The following OXCT1 variants were observed in gnomAD, a reference collection of about 807,000 sequenced individuals.
OXCT1 encodes succinyl-CoA:3-ketoacid coenzyme A transferase 1, mitochondrial.
A neutral mutation model predicts 69.6 loss-of-function variants in OXCT1; 27 were observed. The ratio of observed to expected loss-of-function variants is 0.39; its 90% CI spans 0.29 to 0.54. OXCT1 has a LOEUF of 0.54. Ranked by LOEUF, OXCT1 falls within the 20% of genes least tolerant of loss-of-function variation. OXCT1 has a pLI of 0.72. For synonymous variants in OXCT1, 202 were observed against 217.8 expected, an observed-to-expected ratio of 0.93 and a Z score of 0.64; for missense variants, 437 against 650.2, an observed-to-expected ratio of 0.67 and a Z score of 3.57.
intron 13 of OXCT1, among the ~76,000 whole-genome samples, chr5:41,792,283 C>T (rs749037635): frequency 2.0e-5 from 3 of 152,140 alleles, no homozygotes; most frequent in Non-Finnish European, 4.4e-5. Flanking sequence ...GTTACACTGC[C>T]AGCAAGCGTC....
At chr5:41,748,439 A>G (rs529755260) in intron 15 of OXCT1, among the ~76,000 whole-genome samples, 1 of 152,148 alleles carries the variant, frequency 6.6e-6, no homozygotes, top group Admixed American at 6.6e-5. Flanking sequence ...AGGGTAAAAG[A>G]TTGCTTTGCT....
At chr5:41,782,404 G>A (rs935727578) in intron 13 of OXCT1, among the ~76,000 whole-genome samples, 1 of 151,896 alleles carries the variant, frequency 6.6e-6, no homozygotes, top group African/African-American at 2.4e-5. Context: ...TGTAAAGATC[G>A]GGTTTCACTG....
intron 7 of OXCT1, among the ~76,000 whole-genome samples, chr5:41,822,914 G>A (rs1433581284): frequency 2.6e-5 from 4 of 152,002 alleles, no homozygotes; most frequent in South Asian, 2.1e-4. Flanking sequence ...TTAATTGTTC[G>A]GACCAGTAAT....
intron 1 of OXCT1, among the ~76,000 whole-genome samples, chr5:41,868,946 G>C (rs1750139847): frequency 6.6e-6 from 1 of 152,184 alleles, no homozygotes; most frequent in Non-Finnish European, 1.5e-5. Context: ...GAAAAGACTT[G>C]AAGTGAGTAA....
intron 7 of OXCT1, among the ~76,000 whole-genome samples, chr5:41,823,330 A>G (rs1204217760): frequency 6.6e-6 from 1 of 152,190 alleles, no homozygotes; most frequent in African/African-American, 2.4e-5. Context: ...GGTCTTCACC[A>G]AAACTCTGGT....
intron 15 of OXCT1, among the ~76,000 whole-genome samples, chr5:41,742,704 T>C (rs1743236677): frequency 6.7e-6 from 1 of 148,630 alleles, no homozygotes; most frequent in South Asian, 2.3e-4. Context: ...CATTGTTCAA[T>C]TCTCACCTAT....
chr5:41,771,848 G>T (rs1744885817), intron 13 of OXCT1, among the ~76,000 whole-genome samples: 1 of 152,198 alleles, frequency 6.6e-6, no homozygotes, highest in Non-Finnish European at 1.5e-5. Context: ...ATCGCTGAGA[G>T]AAATGCATTA....
chr5:41,750,135 G>GTTTTTTTTT lies in OXCT1; in HGVS notation c.1339-537_1339-529dup, dbSNP rs11291155. The stretch of plus-strand genomic sequence containing the variant: ...GGAATCCATTCTAGTGTGTTTTTTG[G>GTTTTTTTTT]TTTTTTTTTTTTTTTTTTTTTTTTT... On this transcript the variant is annotated intron_variant, in intron 14 of 16. Transcript: ENST00000196371. Among the ~76,000 whole-genome samples the GTTTTTTTTT allele has an allele frequency of 1.5e-3, 109 of 73,930 alleles. 1 individual carries two copies. The highest frequency in any genetic ancestry group is 1.9e-3 in the Non-Finnish European group (78 of 40,124). The allele number at this position is 73,930 out of a possible 152,430, so 48.5% of individuals were successfully genotyped here.
chr5:41,848,728 C>CATAT lies in OXCT1; in HGVS notation c.564+1298_564+1301dup, dbSNP rs1005406722. ...AATGGTGCTGGGAAAACTGGCTAGC[C>CATAT]ATATGTACAAAGCTGAAACTGGATC... On this transcript the variant is annotated intron_variant, in intron 5 of 16. Coordinates refer to ENST00000196371, the MANE Select transcript of OXCT1 (RefSeq NM_000436.4). Among the ~76,000 whole-genome samples, 893 of 151,920 alleles carry CATAT rather than the reference C, an allele frequency of 5.9e-3. 9 individuals are homozygous for CATAT. Among genetic ancestry groups the CATAT allele is most frequent in the African/African-American group, 0.021 (851 of 41,448 alleles).
intron 7 of OXCT1, among the ~76,000 whole-genome samples, chr5:41,818,488 G>A (rs1747362098): frequency 6.6e-6 from 1 of 152,098 alleles, no homozygotes; most frequent in Admixed American, 6.5e-5. Context: ...ATAGCTAACT[G>A]AACAAAAAAG....
At chr5:41,811,739 A>G (rs1746995351) in intron 7 of OXCT1, among the ~76,000 whole-genome samples, 1 of 152,070 alleles carries the variant, frequency 6.6e-6, no homozygotes, top group Non-Finnish European at 1.5e-5. Context: ...ATGGTGGTAC[A>G]TATGGTTGCA....
chr5:41,869,743 T>C (rs1284006878), intron 1 of OXCT1, among the ~76,000 whole-genome samples: 1 of 151,952 alleles, frequency 6.6e-6, no homozygotes, highest in Non-Finnish European at 1.5e-5. Context: ...GGGAGCGGCA[T>C]TCCACACCCG....
intron 7 of OXCT1, among the ~76,000 whole-genome samples, chr5:41,823,575 T>C (rs1747666945): frequency 6.6e-6 from 1 of 152,258 alleles, no homozygotes; most frequent in African/African-American, 2.4e-5. Context: ...GGCAGTGGTT[T>C]GCCCTGTGAC....
Position 41,859,907 on chromosome 5 carries a change from T to TATGTAATATATATATATATAC in OXCT1, c.278+1406_278+1407insGTATATATATATATATTACAT, listed in dbSNP as rs1304074270. Among the ~76,000 whole-genome samples, 844 of 138,014 alleles carry TATGTAATATATATATATATAC rather than the reference T, an allele frequency of 6.1e-3. 9 individuals carry two copies. Among genetic ancestry groups the TATGTAATATATATATATATAC allele is most frequent in the Middle Eastern group, 0.02 (5 of 248 alleles). 90.5% of individuals were successfully genotyped at this position (138,014 alleles called of 152,430 possible). A position where few individuals can be genotyped will look rare whatever the true frequency, so the allele number is the denominator to read the frequency against. ...TATATGTAATATATATATATATATATACACACACACACACACAAGTAATTA... is the reference window on the plus strand; with the variant it reads ...TATATGTAATATATATATATATATATATGTAATATATATATATATACACACACACACACACACAAGTAATTA... On this transcript the variant is annotated intron_variant, in intron 3 of 16. Transcript: ENST00000196371.
intron 13 of OXCT1, among the ~76,000 whole-genome samples, chr5:41,785,239 T>C (rs1561074096): frequency 6.6e-6 from 1 of 152,194 alleles, no homozygotes; most frequent in Non-Finnish European, 1.5e-5. Context: ...TAAAGGTCCA[T>C]CCCAATGGGT....
chr5:41,836,405 AT>A (rs1369340224), intron 7 of OXCT1, among the ~76,000 whole-genome samples: 4 of 152,204 alleles, frequency 2.6e-5, no homozygotes, highest in Non-Finnish European at 4.4e-5. Context: ...ATGGCTGCAC[AT>A]TTTAAGAAAT....
At chr5:41,756,880 A>C (rs2112081480) in intron 14 of OXCT1, among the ~76,000 whole-genome samples, 1 of 152,262 alleles carries the variant, frequency 6.6e-6, no homozygotes, top group South Asian at 2.1e-4. Flanking sequence ...TCCCAAGGCA[A>C]GATATTCTTA....
intron 7 of OXCT1, among the ~76,000 whole-genome samples, chr5:41,827,138 T>C (rs569185021): frequency 6.6e-6 from 1 of 152,318 alleles, no homozygotes; most frequent in Admixed American, 6.5e-5. Context: ...CTAAAGTCTG[T>C]TCTACAAACA....
At chr5:41,853,656 C>T in intron 3 of OXCT1, 102 bp from the exon 4 acceptor site, 1 of 1,295,712 alleles carries the variant, frequency 7.7e-7, no homozygotes, top group South Asian at 1.3e-5. Context: ...AAAATAAATC[C>T]TTTCTTATAG....
Sources: allele counts gnomAD v4.1 joint callset (sites outside exome capture counted in the v4.1 genomes callset), GRCh38; gene constraint gnomAD v4.1.1; transcripts MANE v1.5; gene names NCBI Gene and HGNC (gene_info 2026-07-23, HGNC 2026-07-21).